Variants in ATP8A1 observed in about 807,000 individuals in gnomAD.
ATP8A1 encodes phospholipid-transporting ATPase IA.
In ATP8A1, 90 loss-of-function variants were observed where a neutral mutation model predicts 177.7. The ratio of observed to expected loss-of-function variants is 0.51; its 90% CI spans 0.43 to 0.60. The LOEUF (loss-of-function observed/expected upper bound fraction) is 0.60, where lower values mean the gene tolerates loss of function less well. ATP8A1 is among the 20% of genes least tolerant of loss of function. The probability of loss-of-function intolerance (pLI) is 0.00; values close to 1 mark genes in which losing one functional copy is unlikely to be tolerated. For synonymous variants in ATP8A1, 493 were observed against 485.9 expected (o/e 1.01, Z -0.19); for missense variants, 1,072 against 1,392.8 (o/e 0.77, Z 3.67).
chr4:42,485,742 T>C lies in ATP8A1; in HGVS notation c.2152-74A>G, dbSNP rs116566719. On this transcript the variant is annotated intron_variant, in intron 24 of 36. Transcript: ENST00000381668. ...TTCTACTAGGATGCCTTAAGGATATTTGGCAACTACATTTAGTTATTTTTA... is the reference window on the plus strand; with the variant it reads ...TTCTACTAGGATGCCTTAAGGATATCTGGCAACTACATTTAGTTATTTTTA... The C allele has an allele frequency of 2.6e-3, 3,275 of 1,254,446 alleles. 77 individuals carry two copies. In the African/African-American group the frequency reaches 0.044, roughly 17 times the overall value. 77.7% of individuals were successfully genotyped at this position (1,254,446 alleles called of 1,614,324 possible).
intron 35 of ATP8A1, chr4:42,415,260 C>T (rs911408307): frequency 6.6e-6 from 1 of 152,150 alleles, no homozygotes; most frequent in African/African-American, 2.4e-5. Flanking sequence ...AGTTCACTAC[C>T]ACTAATATGG....
intron 27 of ATP8A1, among the ~76,000 whole-genome samples, chr4:42,459,187 ATT>A (rs1470868739): frequency 6.6e-6 from 1 of 152,242 alleles, no homozygotes; most frequent in Non-Finnish European, 1.5e-5. Flanking sequence ...TGTGTAAAGA[ATT>A]TGATCAGTGT....
intron 4 of ATP8A1, among the ~76,000 whole-genome samples, chr4:42,622,689 T>G (rs1737602402): frequency 6.6e-6 from 1 of 151,830 alleles, no homozygotes. Context: ...GAACTTAAAT[T>G]TACAAGAAGA....
rs772966106 is a variant in ATP8A1 at position 42,543,930 on chromosome 4, T to C, written c.1709A>G (p.Tyr570Cys). 1 of 1,611,656 alleles carries C rather than the reference T, an allele frequency of 6.2e-7. No individual in the cohort carries two copies. Among genetic ancestry groups the C allele is most frequent in the Non-Finnish European group, 8.5e-7 (1 of 1,178,762 alleles). The change falls in exon 20 of 37, where the codon TAC becomes TGC. Residue 570 changes from tyrosine to cysteine, a missense_variant. Tyr to Cys is a radical substitution (Grantham distance 194, BLOSUM62 -2). This residue lies in a region of ATP8A1 where 388 missense variants were observed against 471.7 expected (regional missense o/e 0.82). Coordinates refer to ENST00000381668, the MANE Select transcript of ATP8A1 (RefSeq NM_006095.2). ...VRTPSGKLRL[Y>C]CKGADTVIYD... ...ATAAAAACTTACAGCTCCTTTGCAG[T>C]AGAGTCGTAACTTTCCAGATGGAGT...
In ATP8A1 at chr4:42,494,981, T is replaced by G. The variant is rs569090320; in HGVS notation, c.2151+8469A>C. 2.0e-5 allele frequency among the ~76,000 whole-genome samples: 3 copies of G among 152,344 alleles called. No individual in the cohort carries two copies. The South Asian group carries it at 6.2e-4, about 32-fold the overall frequency. On this transcript the variant is annotated intron_variant, in intron 24 of 36. Transcript: ENST00000381668. ...ACAAAAACACCACCAGCACCTTACT[T>G]TAGTTTGCTAAGGCTCTACCTTTTA...
At position 42,427,434 on chromosome 4, in the gene ATP8A1, A is replaced by G. The variant is rs1003028565; in HGVS notation, c.3124-3729T>C. Among the ~76,000 whole-genome samples the G allele has an allele frequency of 5.6e-4, 85 of 152,258 alleles. 1 individual carries two copies. The highest frequency in any genetic ancestry group is 2.0e-3 in the African/African-American group (83 of 41,476). ...AAGTGTTAAGTCACTCTGCAGTCTT[A>G]GAGAACACTGACAAATTAGATCAGA... On this transcript the variant is annotated intron_variant, in intron 33 of 36. Transcript: ENST00000381668.
chr4:42,582,200 C>T (rs1182952858), intron 9 of ATP8A1, among the ~76,000 whole-genome samples: 3 of 152,130 alleles, frequency 2.0e-5, no homozygotes, highest in Non-Finnish European at 2.9e-5. Flanking sequence ...TCACCAGAAC[C>T]CAATCATGCA....
chr4:42,520,648 A>G (rs959401268), intron 22 of ATP8A1, among the ~76,000 whole-genome samples: 4 of 152,156 alleles, frequency 2.6e-5, no homozygotes, highest in Non-Finnish European at 4.4e-5. Context: ...GTGTATACCT[A>G]TAACATTTAG....
At chr4:42,466,031 C>CAAAAAAAAA (rs57949092) in intron 25 of ATP8A1, among the ~76,000 whole-genome samples, 10 of 108,100 alleles carry the variant, frequency 9.3e-5, no homozygotes, top group Non-Finnish European at 1.6e-4. Context: ...GACTCCGTCT[C>CAAAAAAAAA]AAAAAAAAAA....
At chr4:42,570,673 C>T (rs995224817) in intron 14 of ATP8A1, among the ~76,000 whole-genome samples, 2 of 152,258 alleles carry the variant, frequency 1.3e-5, no homozygotes, top group Admixed American at 1.3e-4. Context: ...AAACCTGCCA[C>T]TGATCCTATA....
chr4:42,510,831 G>A (rs1578078851), intron 22 of ATP8A1, among the ~76,000 whole-genome samples: 1 of 152,078 alleles, frequency 6.6e-6, no homozygotes, highest in East Asian at 1.9e-4. Context: ...AAGAAGGAAA[G>A]CATCTAGTTT....
intron 25 of ATP8A1, among the ~76,000 whole-genome samples, chr4:42,466,618 T>C (rs940285315): frequency 5.9e-5 from 9 of 152,318 alleles, no homozygotes; most frequent in East Asian, 1.9e-4. Flanking sequence ...ACATGGTTGC[T>C]ATACGAAAAA....
intron 25 of ATP8A1, among the ~76,000 whole-genome samples, chr4:42,477,225 T>TA (rs1449801830): frequency 1.3e-5 from 2 of 152,194 alleles, no homozygotes; most frequent in Non-Finnish European, 2.9e-5. Flanking sequence ...CTGAGAAAGG[T>TA]AAATACTCCT....
At chr4:42,535,238 G>C (rs1207266981) in intron 20 of ATP8A1, among the ~76,000 whole-genome samples, 1 of 152,034 alleles carries the variant, frequency 6.6e-6, no homozygotes, top group African/African-American at 2.4e-5. Context: ...TGACATATTA[G>C]GGCTCATAAA....
intron 25 of ATP8A1, among the ~76,000 whole-genome samples, chr4:42,475,354 T>C (rs1385305642): frequency 6.6e-6 from 1 of 152,114 alleles, no homozygotes; most frequent in African/African-American, 2.4e-5. Context: ...CTTACTTTGT[T>C]GCTCAGGCTG....
At chr4:42,539,905 C>T (rs559551630) in intron 20 of ATP8A1, among the ~76,000 whole-genome samples, 1 of 152,040 alleles carries the variant, frequency 6.6e-6, no homozygotes, top group East Asian at 1.9e-4. Flanking sequence ...AATTTATGAC[C>T]AAGATCTTGA....
At chr4:42,614,404 G>A (rs1378361471) in intron 5 of ATP8A1, among the ~76,000 whole-genome samples, 1 of 152,192 alleles carries the variant, frequency 6.6e-6, no homozygotes, top group African/African-American at 2.4e-5. Context: ...TGAATATTCT[G>A]AGCAATACGG....
chr4:42,651,839 C>T (rs1312214552), intron 1 of ATP8A1, among the ~76,000 whole-genome samples: 4 of 152,212 alleles, frequency 2.6e-5, no homozygotes, highest in African/African-American at 9.6e-5. Context: ...ACAGCCAACC[C>T]TGTCTACCTC....
At position 42,423,601 on chromosome 4, in the gene ATP8A1, C is replaced by T. The variant is rs368422986; in HGVS notation, c.3212+16G>A. 2 of 1,544,452 alleles carry T rather than the reference C, an allele frequency of 1.3e-6. No homozygotes were observed. On this transcript the variant is annotated intron_variant, in intron 34 of 36. Transcript: ENST00000381668. The stretch of plus-strand genomic sequence containing the variant: ...TGCATCTATATTTCTCCGTATATAA[C>T]TGAGTATATACTTACACCTTGTACA...
Sources: gnomAD v4.1 joint callset for allele counts (sites outside exome capture counted in the v4.1 genomes callset) on GRCh38, gnomAD v4.1.1 for gene constraint, gnomAD v4.1.1 regional missense constraint, MANE v1.5 for transcripts, NCBI Gene and HGNC (gene_info 2026-07-23, HGNC 2026-07-21) for gene names.